The following CCSER2 variants were observed in gnomAD, a reference collection of about 807,000 sequenced individuals.
CCSER2 encodes coiled-coil serine rich protein 2, also known as serine-rich coiled-coil domain-containing protein 2.
CCSER2 carries 46 observed loss-of-function variants against 92.3 expected under a neutral mutation model. That is an observed-to-expected ratio of 0.50 (90% confidence interval 0.39 to 0.64). CCSER2 has a LOEUF of 0.64. Among genes scored for constraint, CCSER2 ranks in the 30% least tolerant of loss-of-function variants. The probability of loss-of-function intolerance (pLI) is 0.00; values close to 1 mark genes in which losing one functional copy is unlikely to be tolerated. For missense variants in CCSER2, 1,244 were observed against 1,238.9 expected (o/e 1.00, Z -0.06); for synonymous variants, 433 against 431.4 (o/e 1.00, Z -0.04).
rs1299307604 is a variant in CCSER2, at chr10:84,457,671, GTTA to G, written c.2065-6257_2065-6255del. ...TATAATTATATTATTTTTAATTTTA[GTTA>G]TTATATAAATTATATATATTTATAT... On this transcript the variant is annotated intron_variant, in intron 6 of 9. Transcript: ENST00000372088. 2.9e-3 allele frequency among the ~76,000 whole-genome samples: 301 copies of G among 103,256 alleles called. No individual in the cohort carries two copies. In the South Asian group the frequency reaches 0.035, roughly 12 times the overall value. 67.7% of individuals were successfully genotyped at this position (103,256 alleles called of 152,430 possible).
chr10:84,414,102 C>G (rs1842781985), intron 3 of CCSER2, among the ~76,000 whole-genome samples: 1 of 152,102 alleles, frequency 6.6e-6, no homozygotes, highest in Non-Finnish European at 1.5e-5. Context: ...AATTATTTAG[C>G]TTGCCATTTT....
intron 5 of CCSER2, among the ~76,000 whole-genome samples, chr10:84,428,288 G>T (rs1843548448): frequency 6.6e-6 from 1 of 152,196 alleles, no homozygotes; most frequent in African/African-American, 2.4e-5. Context: ...TCAGGCATTA[G>T]TTAGATTCTC....
intron 9 of CCSER2, chr10:84,500,016 C>T: frequency 5.0e-6 from 8 of 1,612,098 alleles, no homozygotes; most frequent in Non-Finnish European, 6.8e-6. Context: ...TGGTATTTCC[C>T]TTCTGCATGA....
intron 9 of CCSER2, among the ~76,000 whole-genome samples, chr10:84,501,978 G>A (rs1372454866): frequency 7.0e-6 from 1 of 143,654 alleles, no homozygotes; most frequent in Non-Finnish European, 1.5e-5. Context: ...GCGAAGTAAT[G>A]ACCAGAGGGC....
At position 84,349,473 on chromosome 10, in the gene CCSER2, C is replaced by A. The variant is rs1298431225; in HGVS notation, c.-40+20665C>A. 2.0e-5 allele frequency among the ~76,000 whole-genome samples: 3 copies of A among 151,816 alleles called. No homozygotes were observed. The East Asian group carries it at 5.8e-4, about 30-fold the overall frequency. On this transcript the variant is annotated intron_variant, in intron 1 of 9. Coordinates refer to ENST00000372088, the MANE Select transcript of CCSER2 (RefSeq NM_001284240.2). The stretch of plus-strand genomic sequence containing the variant: ...CTTGAGCTCCGGAGTTCGAGACCAG[C>A]CTGGGCAACATACTGAGACCACACT...
In CCSER2 at chr10:84,490,281, T is replaced by C. The variant is rs375848418; in HGVS notation, c.2325+12617T>C. On this transcript the variant is annotated intron_variant, in intron 9 of 9. Coordinates refer to ENST00000372088, the MANE Select transcript of CCSER2 (RefSeq NM_001284240.2). ...CTCTGTATTTCCTGAATTTGAACAT[T>C]GGCCTGCCTTGCTAGGTTGGGGAAG... Among the ~76,000 whole-genome samples the C allele has an allele frequency of 2.0e-4, 31 of 152,330 alleles. No homozygotes were observed. In the South Asian group the frequency reaches 2.9e-3, roughly 14 times the overall value.
At chr10:84,403,185 G>GT (rs11451584) in intron 3 of CCSER2, among the ~76,000 whole-genome samples, 152,246 of 152,300 alleles carry the variant, frequency 1, 76,096 homozygotes, top group Middle Eastern at 1. Context: ...TTTGAAAAAG[G>GT]TTAGAGGCAG....
chr10:84,345,461 C>A (rs528405471), intron 1 of CCSER2, among the ~76,000 whole-genome samples: 1 of 152,154 alleles, frequency 6.6e-6, no homozygotes, highest in Non-Finnish European at 1.5e-5. Context: ...GATAAAGATA[C>A]ATGTCTATTT....
chr10:84,497,149 A>G (rs577706543), intron 9 of CCSER2, among the ~76,000 whole-genome samples: 1 of 152,380 alleles, frequency 6.6e-6, no homozygotes, highest in South Asian at 2.1e-4. Context: ...AGGAAGAAAG[A>G]TTCCACCAAT....
At chr10:84,381,379 A>C (rs895574279) in intron 3 of CCSER2, among the ~76,000 whole-genome samples, 5 of 152,214 alleles carry the variant, frequency 3.3e-5, no homozygotes, top group Non-Finnish European at 5.9e-5. Context: ...CGCAGGTCTA[A>C]GATTGCCTCT....
At chr10:84,468,038 C>T (rs1039457168) in intron 7 of CCSER2, among the ~76,000 whole-genome samples, 4 of 152,178 alleles carry the variant, frequency 2.6e-5, no homozygotes, top group South Asian at 2.1e-4. Flanking sequence ...TAAGGCCATG[C>T]GTGATAGTCA....
chr10:84,424,476 A>G (rs1410549965), intron 4 of CCSER2, among the ~76,000 whole-genome samples: 1 of 152,216 alleles, frequency 6.6e-6, no homozygotes, highest in Non-Finnish European at 1.5e-5. Flanking sequence ...TTAAATTGTT[A>G]TACATTTAGA....
At chr10:84,398,672 A>G (rs1308085157) in intron 3 of CCSER2, among the ~76,000 whole-genome samples, 1 of 152,198 alleles carries the variant, frequency 6.6e-6, no homozygotes, top group Non-Finnish European at 1.5e-5. Context: ...AGAAAAATCT[A>G]AGATCATTTC....
At chr10:84,370,268 G>C (rs1845994344) in intron 1 of CCSER2, among the ~76,000 whole-genome samples, 1 of 152,106 alleles carries the variant, frequency 6.6e-6, no homozygotes, top group Non-Finnish European at 1.5e-5. Context: ...ATGAGTGTGG[G>C]ATGTATTTCC....
Position 84,513,520 on chromosome 10 carries a change from A to G in CCSER2, c.2397A>G (p.Pro799=), listed in dbSNP as rs768883735. 4.3e-6 allele frequency: 7 copies of G among 1,614,034 alleles called. No individual in the cohort carries two copies. The highest frequency in any genetic ancestry group is 5.9e-6 in the Non-Finnish European group (7 of 1,180,026). ...ACACCCAGGGAAAACTAATAAAGCC[A>G]CAACGTATCGAGGCCCGCAGTGAAT... ...TDHTQGKLIK[P]QRIEARSECS... The change falls in exon 10 of 10, where the codon CCA becomes CCG. Residue 799 remains proline, a synonymous_variant. Coordinates refer to ENST00000372088, the MANE Select transcript of CCSER2 (RefSeq NM_001284240.2).
At chr10:84,391,952 A>T in intron 3 of CCSER2, 1 of 1,367,730 alleles carries the variant, frequency 7.3e-7, no homozygotes, top group Non-Finnish European at 1.0e-6. Flanking sequence ...TCCTTCATGG[A>T]TTTAAAAATC....
chr10:84,367,670 C>T (rs1371805202), intron 1 of CCSER2, among the ~76,000 whole-genome samples: 1 of 151,698 alleles, frequency 6.6e-6, no homozygotes. Flanking sequence ...AGATTTTTCT[C>T]CTTGCCATTT....
intron 6 of CCSER2, among the ~76,000 whole-genome samples, chr10:84,448,317 C>T (rs1257318732): frequency 2.6e-5 from 4 of 152,246 alleles, no homozygotes; most frequent in Middle Eastern, 3.4e-3. Context: ...GCTGATTATG[C>T]ACATACACTC....
At chr10:84,422,825 A>C (rs1843217980) in intron 4 of CCSER2, among the ~76,000 whole-genome samples, 1 of 152,130 alleles carries the variant, frequency 6.6e-6, no homozygotes, top group Non-Finnish European at 1.5e-5. Context: ...AGGCCAAGGC[A>C]TGTGGATCAC....
Sources: allele counts gnomAD v4.1 joint callset (sites outside exome capture counted in the v4.1 genomes callset), GRCh38; gene constraint gnomAD v4.1.1; transcripts MANE v1.5; gene names NCBI Gene and HGNC (gene_info 2026-07-23, HGNC 2026-07-21).